Variants in STXBP5 observed in about 807,000 individuals in gnomAD.
STXBP5 encodes the protein syntaxin-binding protein 5.
Under a neutral mutation model 152.4 loss-of-function variants are expected in STXBP5, and 50 were observed. The ratio of observed to expected loss-of-function variants is 0.33; its 90% confidence interval spans 0.26 to 0.42. The LOEUF is 0.42. Among genes scored for constraint, STXBP5 ranks in the 10% least tolerant of loss-of-function variants. The pLI, the probability that STXBP5 is intolerant of heterozygous loss-of-function variation, is 1.00. For synonymous variants in STXBP5, 492 were observed against 494.7 expected, an observed-to-expected ratio of 0.99 and a Z score of 0.07; for missense variants, 1,167 against 1,388.6, an observed-to-expected ratio of 0.84 and a Z score of 2.54.
intron 4 of STXBP5, among the ~76,000 whole-genome samples, chr6:147,259,393 T>C (rs1779537963): frequency 6.6e-6 from 1 of 152,136 alleles, no homozygotes. Context: ...AGTAGACATG[T>C]CTATACTTGG....
At chr6:147,324,281 T>TG (rs1476050671) in intron 16 of STXBP5, among the ~76,000 whole-genome samples, 1 of 133,022 alleles carries the variant, frequency 7.5e-6, no homozygotes, top group South Asian at 2.6e-4. Context: ...TTTTTTTTTT[T>TG]TTTTTTTTGA....
intron 4 of STXBP5, among the ~76,000 whole-genome samples, chr6:147,243,581 A>G (rs1778654152): frequency 6.6e-6 from 1 of 152,062 alleles, no homozygotes; most frequent in Non-Finnish European, 1.5e-5. Flanking sequence ...CTATTTAATT[A>G]AGTTTAGCTT....
At chr6:147,357,774 A>G (rs758273671) in intron 22 of STXBP5, among the ~76,000 whole-genome samples, 17 of 152,192 alleles carry the variant, frequency 1.1e-4, no homozygotes, top group Admixed American at 2.0e-4. Context: ...GCTCATCTTA[A>G]GTGTTTCTCC....
At chr6:147,322,284 G>A (rs1363940442) in intron 16 of STXBP5, among the ~76,000 whole-genome samples, 6 of 152,176 alleles carry the variant, frequency 3.9e-5, no homozygotes, top group Non-Finnish European at 8.8e-5. Flanking sequence ...CGCTTGAGAT[G>A]GAGAGCTGTA....
At position 147,359,266 on chromosome 6, in the gene STXBP5, A is replaced by G; in HGVS notation, c.2488A>G (p.Asn830Asp). 6.2e-7 allele frequency: 1 copy of G among 1,614,032 alleles called. No individual in the cohort carries two copies. ...AGGAACAGTGCTTGTCATTGCACTG[A>G]ACCTTCCCCCAGGGGGAGAGCAAAG... ...TLGTVLVIALNLPPGGEQRLL... is the reference protein window; with the variant it reads ...TLGTVLVIALDLPPGGEQRLL... The change falls in exon 23 of 28, where the codon AAC becomes GAC. Residue 830 changes from asparagine (N) to aspartate (D), a missense_variant. Transcript: ENST00000321680.
chr6:147,293,125 G>A (rs888349171), intron 9 of STXBP5: 1 of 152,118 alleles, frequency 6.6e-6, no homozygotes, highest in Non-Finnish European at 1.5e-5. Flanking sequence ...TAACCTAGGA[G>A]TAATAGGCTA....
intron 4 of STXBP5, among the ~76,000 whole-genome samples, chr6:147,257,556 T>G (rs1185944658): frequency 6.6e-6 from 1 of 152,020 alleles, no homozygotes; most frequent in Non-Finnish European, 1.5e-5. Context: ...TTATTTATTA[T>G]CATTAATGAT....
At chr6:147,352,819 TTAAAG>T (rs1384359820) in intron 21 of STXBP5, among the ~76,000 whole-genome samples, 1 of 152,162 alleles carries the variant, frequency 6.6e-6, no homozygotes, top group Admixed American at 6.5e-5. Flanking sequence ...AAAGGCTCCC[TTAAAG>T]TAAAAATTTT....
intron 9 of STXBP5, among the ~76,000 whole-genome samples, chr6:147,305,913 T>G (rs1481594379): frequency 2.0e-5 from 3 of 152,156 alleles, no homozygotes; most frequent in Non-Finnish European, 4.4e-5. Context: ...AAAAAATTGT[T>G]GAGGGTTTGG....
chr6:147,297,429 A>G (rs1276036726), intron 9 of STXBP5, among the ~76,000 whole-genome samples: 1 of 152,196 alleles, frequency 6.6e-6, no homozygotes, highest in Non-Finnish European at 1.5e-5. Flanking sequence ...TCACCACTAG[A>G]TTGGCCTAAC....
intron 6 of STXBP5, among the ~76,000 whole-genome samples, chr6:147,264,929 TA>T (rs1333608636): frequency 6.6e-6 from 1 of 151,982 alleles, no homozygotes; most frequent in Non-Finnish European, 1.5e-5. Context: ...CTTAAGTTAT[TA>T]AGGTCTGGAT....
chr6:147,273,919 T>C lies in STXBP5; in HGVS notation c.715-4162T>C, dbSNP rs1029843816. 6.7e-5 allele frequency among the ~76,000 whole-genome samples: 10 copies of C among 148,240 alleles called. No homozygotes were observed. In the Admixed American group the frequency reaches 6.8e-4, roughly 10 times the overall value. ...GTGAGACGAGATGGCGCCACTGCAC[T>C]CCAGCCTGGGCGACAGAGCGAGACT... is the stretch of plus-strand genomic sequence containing the variant. On this transcript the variant is annotated intron_variant, in intron 7 of 27. Coordinates refer to ENST00000321680, the MANE Select transcript of STXBP5 (RefSeq NM_001127715.4).
In STXBP5 at chr6:147,324,263, G is replaced by GTTTTTT. The variant is rs764684701; in HGVS notation, c.1803-696_1803-695insTTTTTT. 8.6e-4 allele frequency among the ~76,000 whole-genome samples: 73 copies of GTTTTTT among 85,026 alleles called. 8 individuals carry two copies. The highest frequency in any genetic ancestry group is 1.7e-3 in the South Asian group (4 of 2,326). 55.8% of individuals were successfully genotyped at this position (85,026 alleles called of 152,430 possible). A position where few individuals can be genotyped will look rare whatever the true frequency, so the allele number is the denominator to read the frequency against. The stretch of plus-strand genomic sequence containing the variant: ...TTTAAGTTTTGTGGGGTTTTTTTTT[G>GTTTTTT]GTTTTTTTTTTTTTTTTTTTTTTTT... On this transcript the variant is annotated intron_variant, in intron 16 of 27. Transcript: ENST00000321680.
intron 5 of STXBP5, 71 bp downstream of exon 5, chr6:147,260,820 C>A: frequency 6.6e-7 from 1 of 1,506,550 alleles, no homozygotes; most frequent in Non-Finnish European, 9.0e-7. Flanking sequence ...ACATCATAGC[C>A]AATCAGTAAA....
intron 8 of STXBP5, among the ~76,000 whole-genome samples, chr6:147,286,983 G>T (rs908737960): frequency 1.3e-5 from 2 of 150,048 alleles, no homozygotes; most frequent in African/African-American, 4.9e-5. Flanking sequence ...CAAAAATTAG[G>T]ATTATGTTAG....
At chr6:147,329,617 C>CT (rs34913817) in intron 18 of STXBP5, among the ~76,000 whole-genome samples, 22,152 of 71,318 alleles carry the variant, frequency 0.31, 9,313 homozygotes, top group South Asian at 0.4. Flanking sequence ...GTTCTTCAGG[C>CT]TTTTTTTTTT....
chr6:147,352,999 C>T lies in STXBP5; in HGVS notation c.2255-324C>T, dbSNP rs570324657. 5.5e-4 allele frequency among the ~76,000 whole-genome samples: 83 copies of T among 152,108 alleles called. 1 individual carries two copies. Among genetic ancestry groups the T allele is most frequent in the Admixed American group, 7.9e-4 (12 of 15,278 alleles). ...CATCTCTACAAACATCCAGAATAGCCAGGCACAGTGGTTACATGCCTGTAG... is the reference window on the plus strand; with the variant it reads ...CATCTCTACAAACATCCAGAATAGCTAGGCACAGTGGTTACATGCCTGTAG... On this transcript the variant is annotated intron_variant, in intron 21 of 27. Transcript: ENST00000321680.
At chr6:147,265,330 C>G (rs990741152) in intron 6 of STXBP5, among the ~76,000 whole-genome samples, 1 of 152,088 alleles carries the variant, frequency 6.6e-6, no homozygotes, top group Non-Finnish European at 1.5e-5. Flanking sequence ...ATTAAAATTA[C>G]TGGTTCTGCC....
chr6:147,231,056 A>G (rs554073919), intron 2 of STXBP5, among the ~76,000 whole-genome samples: 1 of 151,778 alleles, frequency 6.6e-6, no homozygotes, highest in South Asian at 2.1e-4. Flanking sequence ...AGTTAGAGTG[A>G]CGCTTGTTTT....
Sources: gnomAD v4.1 joint callset for allele counts (sites outside exome capture counted in the v4.1 genomes callset) on GRCh38, gnomAD v4.1.1 for gene constraint, MANE v1.5 for transcripts, NCBI Gene and HGNC (gene_info 2026-07-23, HGNC 2026-07-21) for gene names.